Variants in ESR1 observed in about 807,000 individuals in gnomAD.
The protein encoded by ESR1 is estrogen receptor 1, also known as estrogen receptor.
Under a neutral mutation model 52.7 loss-of-function variants are expected in ESR1, and 12 were observed. The ratio of observed to expected loss-of-function variants is 0.23; its 90% confidence interval spans 0.15 to 0.37. ESR1 has a LOEUF of 0.37. ESR1 is among the 10% of genes least tolerant of loss of function. ESR1 has a pLI of 1.00. For missense variants in ESR1, 584 were observed against 779.7 expected (o/e 0.75, Z 2.99); for synonymous variants, 305 against 316.8 (o/e 0.96, Z 0.39).
chr6:152,011,859 T>A (rs2128780298), intron 5 of ESR1, 65 bp downstream of exon 5: 1 of 1,556,176 alleles, frequency 6.4e-7, no homozygotes, highest in Non-Finnish European at 8.8e-7. Context: ...TTCATGAAAC[T>A]ATTTTATTCA....
At chr6:151,807,395 T>A (rs2128153360), upstream of ESR1, 1 of 189,328 alleles carries the variant, frequency 5.3e-6, no homozygotes, top group East Asian at 1.3e-4. Context: ...CCTGGATCCG[T>A]CTTTCGCGTT....
At chr6:151,691,604 A>T (rs2982571) in intron 1 of ESR1, among the ~76,000 whole-genome samples, 61,636 of 152,106 alleles carry the variant, frequency 0.41, 12,841 homozygotes, top group Non-Finnish European at 0.43. Context: ...TAATGCCTTT[A>T]TGTGCCAGAT....
At position 152,100,095 on chromosome 6, in the gene ESR1, C is replaced by T; in HGVS notation, c.*1129C>T. 2.5e-6 allele frequency: 1 copy of T among 398,826 alleles called. No homozygotes were observed. Among genetic ancestry groups the T allele is most frequent in the Non-Finnish European group, 4.4e-6 (1 of 226,226 alleles). The allele number at this position is 398,826 out of a possible 1,614,324, so 24.7% of individuals were successfully genotyped here. On this transcript the variant is annotated 3_prime_UTR_variant, in exon 8 of 8. Transcript: ENST00000206249. ...GCCAGACTTGCTCAGGGTGGCCCTG[C>T]CACAGGCTGCAGCTACCTAGGAACA...
chr6:152,005,946 T>C (rs770456530), intron 4 of ESR1, among the ~76,000 whole-genome samples: 1 of 152,030 alleles, frequency 6.6e-6, no homozygotes, highest in Non-Finnish European at 1.5e-5. Flanking sequence ...AGCTTGATAT[T>C]GGCAAGGTGG....
intron 2 of ESR1, among the ~76,000 whole-genome samples, chr6:151,783,408 A>G (rs1284955424): frequency 1.3e-5 from 2 of 152,212 alleles, no homozygotes; most frequent in East Asian, 3.9e-4. Context: ...GGCAGAGGGA[A>G]TCTGTCACTG....
intron 3 of ESR1, among the ~76,000 whole-genome samples, chr6:151,899,486 C>T (rs1170071592): frequency 2.6e-4 from 38 of 146,616 alleles, no homozygotes; most frequent in Non-Finnish European, 4.8e-4. Flanking sequence ...GCTGACCCCC[C>T]CACCTCCCTC....
chr6:151,769,020 T>G (rs918893783), intron 2 of ESR1, among the ~76,000 whole-genome samples: 7 of 152,190 alleles, frequency 4.6e-5, no homozygotes, highest in Non-Finnish European at 8.8e-5. Flanking sequence ...TGACAGCACG[T>G]TTCTGTGCTT....
At chr6:152,122,848 G>A (rs1488496543) in intron 6 of ESR1, among the ~76,000 whole-genome samples, 1 of 152,106 alleles carries the variant, frequency 6.6e-6, no homozygotes, top group Non-Finnish European at 1.5e-5. Flanking sequence ...CATCAAATGA[G>A]GTTGTTGGAA....
At chr6:152,048,727 T>C (rs2046435227) in intron 5 of ESR1, among the ~76,000 whole-genome samples, 1 of 152,208 alleles carries the variant, frequency 6.6e-6, no homozygotes, top group Non-Finnish European at 1.5e-5. Flanking sequence ...GTCTGCCATA[T>C]ACAATGGACT....
chr6:151,943,672 G>A (rs1015484280), intron 3 of ESR1, among the ~76,000 whole-genome samples: 1 of 152,082 alleles, frequency 6.6e-6, no homozygotes, highest in African/African-American at 2.4e-5. Context: ...AGTCTACTTG[G>A]ACTAAATGCT....
chr6:152,122,164 T>C (rs1041384601), intron 6 of ESR1: 3 of 488,540 alleles, frequency 6.1e-6, no homozygotes, highest in African/African-American at 3.9e-5. Context: ...CCGGGGAACT[T>C]TGGAGGTCCT....
In ESR1 at chr6:151,950,077, T is replaced by A. The variant is rs2036163202; in HGVS notation, c.1096+5569T>A. On this transcript the variant is annotated intron_variant, in intron 4 of 7. Transcript: ENST00000206249. Reference sequence around the variant, plus strand: ...CTGATGGTGTTAAAAAGGGGAGTTTTTCTGCACAAGCTCTTCTTCTCTTGT... The same window carrying A: ...CTGATGGTGTTAAAAAGGGGAGTTTATCTGCACAAGCTCTTCTTCTCTTGT... 2.0e-5 allele frequency among the ~76,000 whole-genome samples: 3 copies of A among 152,176 alleles called. No homozygotes were observed. The South Asian group carries it at 6.2e-4, about 31-fold the overall frequency.
intron 4 of ESR1, among the ~76,000 whole-genome samples, chr6:151,947,987 C>T (rs1200525361): frequency 6.6e-6 from 1 of 151,948 alleles, no homozygotes; most frequent in Non-Finnish European, 1.5e-5. Flanking sequence ...ATAGCCTTAT[C>T]CCTGGGTAGA....
chr6:151,802,804 C>T (rs145132419), upstream of ESR1, among the ~76,000 whole-genome samples: 9,391 of 152,128 alleles, frequency 0.062, 457 homozygotes, highest in Non-Finnish European at 0.092. Flanking sequence ...GCCTGGCCAA[C>T]ATGGTGAAAT....
chr6:151,997,557 A>G (rs900684275), intron 4 of ESR1, among the ~76,000 whole-genome samples: 1 of 152,148 alleles, frequency 6.6e-6, no homozygotes, highest in Non-Finnish European at 1.5e-5. Context: ...TATGACTGCT[A>G]ATATGGATGC....
intron 3 of ESR1, among the ~76,000 whole-genome samples, chr6:151,915,344 C>T (rs1417051907): frequency 2.0e-5 from 3 of 152,158 alleles, no homozygotes; most frequent in African/African-American, 7.2e-5. Flanking sequence ...GTGAAAAATA[C>T]TAATTATTTA....
chr6:151,744,943 C>T (rs1430079489), intron 2 of ESR1, among the ~76,000 whole-genome samples: 1 of 152,096 alleles, frequency 6.6e-6, no homozygotes, highest in Non-Finnish European at 1.5e-5. Flanking sequence ...TCCAGTTGTC[C>T]GAGCACTAAA....
At chr6:151,869,532 GC>G (rs1790572883) in intron 2 of ESR1, among the ~76,000 whole-genome samples, 1 of 152,082 alleles carries the variant, frequency 6.6e-6, no homozygotes, top group Non-Finnish European at 1.5e-5. Flanking sequence ...TTCCTTTATT[GC>G]AGCTGTTGGT....
intron 4 of ESR1, among the ~76,000 whole-genome samples, chr6:151,976,147 G>GT (rs991065117): frequency 2.9e-4 from 44 of 150,342 alleles, no homozygotes; most frequent in African/African-American, 3.9e-4. Flanking sequence ...AGATTTTGTT[G>GT]TTTTTTTTTA....
Sources: allele counts gnomAD v4.1 joint callset (sites outside exome capture counted in the v4.1 genomes callset), GRCh38; gene constraint gnomAD v4.1.1; transcripts MANE v1.5; gene names NCBI Gene and HGNC (gene_info 2026-07-23, HGNC 2026-07-21).